TTLL5: variants seen among roughly 807,000 people sequenced by gnomAD.
The protein encoded by TTLL5 is tubulin tyrosine ligase like 5, also known as tubulin polyglutamylase TTLL5.
In TTLL5, 132 loss-of-function variants were observed where a neutral mutation model predicts 168.4. The ratio of observed to expected loss-of-function variants is 0.78; its 90% confidence interval spans 0.68 to 0.91. TTLL5 has a LOEUF of 0.91. Among genes scored for constraint, TTLL5 ranks in the 40% least tolerant of loss-of-function variants. The pLI is 0.00. For missense variants in TTLL5, 1,545 were observed against 1,581.5 expected, an observed-to-expected ratio of 0.98 and a Z score of 0.39; for synonymous variants, 546 against 558.6, an observed-to-expected ratio of 0.98 and a Z score of 0.32.
chr14:75,902,173 C>T lies in TTLL5; in HGVS notation c.3772C>T (p.Leu1258Phe), dbSNP rs755399179. Residue 1258 changes from leucine to phenylalanine, a missense_variant, in exon 31 of 32, where the codon CTC (leucine) becomes TTC (phenylalanine). By Grantham distance (22) the Leu-to-Phe change is conservative. Transcript: ENST00000298832. ...CTCCGCGGAAGGGCAGCTGAATGGACTCCAGAGCAGCCTTAACCCTGCAGC... is the reference window on the plus strand; with the variant it reads ...CTCCGCGGAAGGGCAGCTGAATGGATTCCAGAGCAGCCTTAACCCTGCAGC... The part of the protein sequence containing the change: ...GSSAEGQLNG[L>F]QSSLNPAAFV... 1.4e-5 allele frequency: 23 copies of T among 1,614,184 alleles called. No individual in the cohort carries two copies. The highest frequency in any genetic ancestry group is 1.6e-4 in the Middle Eastern group (1 of 6,062).
chr14:75,915,764 A>G (rs1010507034), intron 31 of TTLL5, among the ~76,000 whole-genome samples: 17 of 152,252 alleles, frequency 1.1e-4, no homozygotes, highest in African/African-American at 3.9e-4. Flanking sequence ...ATTGCTAATC[A>G]TAAGAGAAAT....
intron 5 of TTLL5, chr14:75,684,781 A>G (rs1242775734): frequency 6.6e-6 from 1 of 152,226 alleles, no homozygotes; most frequent in Non-Finnish European, 1.5e-5. Flanking sequence ...GTTTGTGGGA[A>G]ATGAAAGAAT....
At chr14:75,876,087 CTGAT>C (rs1241180818) in intron 29 of TTLL5, among the ~76,000 whole-genome samples, 4 of 152,156 alleles carry the variant, frequency 2.6e-5, no homozygotes, top group African/African-American at 9.7e-5. Flanking sequence ...CAACCAGTGT[CTGAT>C]TGGTTTTGTG....
intron 3 of TTLL5, among the ~76,000 whole-genome samples, chr14:75,679,618 A>G (rs1248869828): frequency 6.6e-6 from 1 of 152,214 alleles, no homozygotes; most frequent in Admixed American, 6.5e-5. Context: ...CTCTATCACT[A>G]TTCATTTTTG....
intron 31 of TTLL5, among the ~76,000 whole-genome samples, chr14:75,914,033 A>AAATATATATATATATATATAT: frequency 7.0e-5 from 5 of 71,098 alleles, no homozygotes; most frequent in African/African-American, 6.2e-4. Context: ...AAAAAAAAAA[A>AAATATATATATATATATATAT]ATATATATAT....
chr14:75,926,608 G>A (rs960452067), intron 31 of TTLL5, among the ~76,000 whole-genome samples: 2 of 152,134 alleles, frequency 1.3e-5, no homozygotes, highest in African/African-American at 4.8e-5. Flanking sequence ...CAAAACCACA[G>A]TAAATGCCAC....
rs772736479 is a variant in TTLL5 at position 75,886,697 on chromosome 14, T to C, written c.3740+3795T>C. Reference sequence around the variant, plus strand: ...CCAATGTTTGCAACACTTCATAATTTAGTACCCGCTTCAGATCCTCCTTTC... The same window carrying C: ...CCAATGTTTGCAACACTTCATAATTCAGTACCCGCTTCAGATCCTCCTTTC... On this transcript the variant is annotated intron_variant, in intron 30 of 31. Coordinates refer to ENST00000298832, the MANE Select transcript of TTLL5 (RefSeq NM_015072.5). The C allele has an allele frequency of 2.5e-6, 4 of 1,597,990 alleles. No individual in the cohort carries two copies. In the South Asian group the frequency reaches 4.4e-5, roughly 18 times the overall value.
At chr14:75,723,213 C>T (rs866576487) in intron 12 of TTLL5, among the ~76,000 whole-genome samples, 2 of 152,164 alleles carry the variant, frequency 1.3e-5, no homozygotes, top group African/African-American at 4.8e-5. Context: ...CCTCAGCCTC[C>T]CGAGTAGCTA....
intron 28 of TTLL5, among the ~76,000 whole-genome samples, chr14:75,834,114 A>C (rs1282739751): frequency 1.3e-5 from 2 of 152,252 alleles, no homozygotes; most frequent in Non-Finnish European, 2.9e-5. Flanking sequence ...AGTACAAAAA[A>C]CATGCTAGTA....
At chr14:75,825,530 T>G (rs1344099540) in intron 28 of TTLL5, among the ~76,000 whole-genome samples, 2 of 152,170 alleles carry the variant, frequency 1.3e-5, no homozygotes, top group Non-Finnish European at 2.9e-5. Flanking sequence ...ACTCATATTT[T>G]CCATCTATCC....
At chr14:75,910,619 C>T (rs1217816207) in intron 31 of TTLL5, among the ~76,000 whole-genome samples, 3 of 152,170 alleles carry the variant, frequency 2.0e-5, no homozygotes, top group South Asian at 2.1e-4. Context: ...TGCTAAGCCA[C>T]GCCTGTCTTT....
intron 30 of TTLL5, among the ~76,000 whole-genome samples, chr14:75,885,039 G>A (rs1355240378): frequency 6.6e-6 from 1 of 151,518 alleles, no homozygotes; most frequent in African/African-American, 2.4e-5. Flanking sequence ...CAGGCATGCT[G>A]GCAGGCACCC....
rs201828009 is a variant in TTLL5 at position 75,863,112 on chromosome 14, GA to G, written c.3327-548del. Reference sequence around the variant, plus strand: ...CCCTGTGAGGTAAATTTGGAATAATGAAAAAAAGTGTCTTCCCACACCATTT... The same window carrying G: ...CCCTGTGAGGTAAATTTGGAATAATGAAAAAAGTGTCTTCCCACACCATTT... On this transcript the variant is annotated intron_variant, in intron 28 of 31. Coordinates refer to ENST00000298832, the MANE Select transcript of TTLL5 (RefSeq NM_015072.5). Among the ~76,000 whole-genome samples the G allele has an allele frequency of 6.8e-3, 1,028 of 151,982 alleles. 13 individuals carry two copies. The highest frequency in any genetic ancestry group is 0.024 in the African/African-American group (987 of 41,506).
intron 30 of TTLL5, among the ~76,000 whole-genome samples, chr14:75,890,284 A>G (rs1347807885): frequency 6.6e-6 from 1 of 152,248 alleles, no homozygotes; most frequent in Non-Finnish European, 1.5e-5. Context: ...TAAGAAAAAC[A>G]GATTTAAGGA....
intron 31 of TTLL5, among the ~76,000 whole-genome samples, chr14:75,921,816 G>A (rs565164977): frequency 6.6e-5 from 10 of 152,242 alleles, no homozygotes; most frequent in African/African-American, 2.4e-4. Context: ...ATTACCTTGG[G>A]CAATATGGCC....
At chr14:75,718,918 C>A (rs1887648277) in intron 10 of TTLL5, among the ~76,000 whole-genome samples, 1 of 152,200 alleles carries the variant, frequency 6.6e-6, no homozygotes, top group Non-Finnish European at 1.5e-5. Context: ...AGAATAGTTG[C>A]TGAAGCTATA....
intron 26 of TTLL5, among the ~76,000 whole-genome samples, chr14:75,788,179 C>G (rs2140341298): frequency 6.6e-6 from 1 of 152,048 alleles, no homozygotes; most frequent in African/African-American, 2.4e-5. Flanking sequence ...GAAAAGAAGA[C>G]AGGCTGGAAA....
chr14:75,717,379 T>G (rs1887538992), intron 9 of TTLL5, among the ~76,000 whole-genome samples: 1 of 152,166 alleles, frequency 6.6e-6, no homozygotes, highest in Non-Finnish European at 1.5e-5. Flanking sequence ...CCTCCCAAAG[T>G]GTTGAGATTA....
rs1704305097 is a variant in TTLL5 at position 75,793,091 on chromosome 14, C to G, written c.3162C>G (p.Leu1054=). The change falls in exon 27 of 32, where the codon CTC becomes CTG. Residue 1054 remains leucine, a synonymous_variant. Coordinates refer to ENST00000298832, the MANE Select transcript of TTLL5 (RefSeq NM_015072.5). ...QYSPSSHINL[L]TQQVTNLNLA... The stretch of plus-strand genomic sequence containing the variant: ...CTCCATCCAGCCACATCAACCTCCT[C>G]ACCCAACAGGTACGGATGGTCTGGG... The G allele has an allele frequency of 1.2e-6, 2 of 1,610,438 alleles. No homozygotes were observed. Among genetic ancestry groups the G allele is most frequent in the South Asian group, 2.2e-5 (2 of 90,334 alleles).
Sources: gnomAD v4.1 joint callset for allele counts (sites outside exome capture counted in the v4.1 genomes callset) on GRCh38, gnomAD v4.1.1 for gene constraint, MANE v1.5 for transcripts, NCBI Gene and HGNC (gene_info 2026-07-23, HGNC 2026-07-21) for gene names.